TYSND1: variants seen among roughly 807,000 people sequenced by gnomAD.
The protein encoded by TYSND1 is trypsin like peroxisomal matrix peptidase 1, also known as peroxisomal leader peptide-processing protease.
TYSND1 carries 30 observed loss-of-function variants against 37.2 expected under a neutral mutation model. The observed-to-expected ratio is 0.81, with a 90% CI of 0.60 to 1.09. TYSND1 has a LOEUF of 1.09. Among genes scored for constraint, TYSND1 ranks in the 50% least tolerant of loss-of-function variants. The probability of loss-of-function intolerance (pLI) is 0.00; values close to 1 mark genes in which losing one functional copy is unlikely to be tolerated. For synonymous variants in TYSND1, 364 were observed against 383.8 expected, an observed-to-expected ratio of 0.95 and a Z score of 0.60; for missense variants, 806 against 817.4, an observed-to-expected ratio of 0.99 and a Z score of 0.17.
intron 2 of TYSND1, 78 bp downstream of exon 2, chr10:70,143,764 C>T: frequency 6.4e-7 from 1 of 1,561,480 alleles, no homozygotes; most frequent in Non-Finnish European, 8.7e-7. Context: ...CATGAGAATG[C>T]CCAACACTGA....
At chr10:70,144,147 T>C (rs561133910) in intron 1 of TYSND1, 175 bp from the exon 2 acceptor site, 48 of 756,112 alleles carry the variant, frequency 6.3e-5, no homozygotes, top group East Asian at 1.4e-4. Flanking sequence ...CCAAAGGTGG[T>C]TGACAAACTG....
Position 70,146,218 on chromosome 10 carries a change from C to A in TYSND1, c.369G>T (p.Gly123=). The part of the protein sequence containing the change: ...LEPGPPAPSR[G]RPLQPRLPAE... ...CAGGAAGCCGGGGCTGCAGGGGACG[C>A]CCGCGGGACGGGGCAGGTGGGCCGG... Residue 123 remains glycine (G), a synonymous_variant, in exon 1 of 4, where the codon GGG becomes GGT. Coordinates refer to ENST00000287078, the MANE Select transcript of TYSND1 (RefSeq NM_173555.4). 1 of 1,512,862 alleles carries A rather than the reference C, an allele frequency of 6.6e-7. No homozygotes were observed. The highest frequency in any genetic ancestry group is 8.8e-7 in the Non-Finnish European group (1 of 1,135,816). The allele number at this position is 1,512,862 out of a possible 1,614,324, so 93.7% of individuals were successfully genotyped here.
In TYSND1 at chr10:70,146,148, A is replaced by G. The variant is rs543991661; in HGVS notation, c.439T>C (p.Phe147Leu). ...LLSCPAFWAH[F>L]ARLFGDEAAE... is the part of the protein sequence containing the mutation. ...GCCTCGTCCCCGAAGAGGCGCGCGA[A>G]GTGGGCCCAGAAGGCCGGGCAGCTC... is the stretch of plus-strand genomic sequence containing the variant. Residue 147 changes from phenylalanine (F) to leucine (L), a missense_variant, in exon 1 of 4, where the codon TTC (phenylalanine) becomes CTC (leucine). By Grantham distance (22) the Phe-to-Leu change is conservative. Around this residue, in one of 3 missense-constraint regions of TYSND1, gnomAD observed 708 missense variants for 705.4 expected, o/e 1.00. Coordinates refer to ENST00000287078, the MANE Select transcript of TYSND1 (RefSeq NM_173555.4). The G allele has an allele frequency of 8.4e-6, 13 of 1,553,590 alleles. No individual in the cohort carries two copies. Among genetic ancestry groups the G allele is most frequent in the South Asian group, 1.2e-5 (1 of 84,662 alleles).
chr10:70,144,896 C>T lies in TYSND1; in HGVS notation c.1166+525G>A, dbSNP rs887294401. 2.3e-5 allele frequency: 12 copies of T among 518,428 alleles called. No individual in the cohort carries two copies. In the African/African-American group the frequency reaches 2.5e-4, roughly 11 times the overall value. 32.1% of individuals were successfully genotyped at this position (518,428 alleles called of 1,614,324 possible). The stretch of plus-strand genomic sequence containing the variant: ...CCATGTACAGCTGCGTGGGCCACCC[C>T]CCTACCTTCTGATTACGTAGAAACT... On this transcript the variant is annotated intron_variant, in intron 1 of 3. Coordinates refer to ENST00000287078, the MANE Select transcript of TYSND1 (RefSeq NM_173555.4).
intron 1 of TYSND1, chr10:70,144,580 T>C: frequency 5.1e-6 from 5 of 986,768 alleles, no homozygotes; most frequent in Non-Finnish European, 6.0e-6. Context: ...TTAAGTGACT[T>C]GCCCGGGATC....
In TYSND1 at chr10:70,143,934, T is replaced by C. The variant is rs746084754; in HGVS notation, c.1205A>G (p.Gln402Arg). 3 of 1,614,212 alleles carry C rather than the reference T, an allele frequency of 1.9e-6. No homozygotes were observed. The highest frequency in any genetic ancestry group is 2.2e-5 in the East Asian group (1 of 44,880). ...TGCTATGTCATAGGGACATGTCTCC[T>C]GAGTGGCAAATACCACACGGCCCCA... ...AIWGRVVFAT[Q>R]ETCPYDIAVV... Residue 402 changes from glutamine (Q) to arginine (R), a missense_variant, in exon 2 of 4, where the codon CAG becomes CGG. By Grantham distance (43) the Gln-to-Arg change is conservative. Around this residue, in one of 3 missense-constraint regions of TYSND1, gnomAD observed 708 missense variants for 705.4 expected, o/e 1.00. Transcript: ENST00000287078.
At chr10:70,142,612 G>C in intron 3 of TYSND1, 56 bp downstream of exon 3, 8 of 1,472,696 alleles carry the variant, frequency 5.4e-6, no homozygotes, top group Non-Finnish European at 7.3e-6. Flanking sequence ...CACTCATGGG[G>C]TGGGACTGAG....
chr10:70,140,204 A>T, intron 3 of TYSND1, 63 bp from the exon 4 acceptor site: 1 of 1,396,934 alleles, frequency 7.2e-7, no homozygotes, highest in Non-Finnish European at 9.9e-7. Context: ...TGGAGAAGGG[A>T]GGAGGACCAT....
At chr10:70,140,872 C>T (rs1385773098) in intron 3 of TYSND1, among the ~76,000 whole-genome samples, 1 of 152,186 alleles carries the variant, frequency 6.6e-6, no homozygotes, top group Non-Finnish European at 1.5e-5. Flanking sequence ...GTTGTCGCAT[C>T]TCCCAAATCT....
chr10:70,143,549 C>T (rs1010013473), intron 2 of TYSND1, among the ~76,000 whole-genome samples: 1 of 152,232 alleles, frequency 6.6e-6, no homozygotes, highest in Non-Finnish European at 1.5e-5. Flanking sequence ...AAATCGTGCC[C>T]CTGGAGCCTT....
rs778466834 is a variant in TYSND1, at chr10:70,146,427, C to T, written c.160G>A (p.Val54Ile). The change falls in exon 1 of 4, where the codon GTC becomes ATC. Residue 54 changes from valine (V) to isoleucine (I), a missense_variant. Coordinates refer to ENST00000287078, the MANE Select transcript of TYSND1 (RefSeq NM_173555.4). ...TCGCTGCCAGCTCGCAGGAAGGGGA[C>T]GAAGATGCCCCCGTGGCAAAGCACC... ...GLVLCHGGIF[V>I]PFLRAGSEVL... is the part of the protein sequence containing the mutation. The T allele has an allele frequency of 6.2e-6, 10 of 1,601,994 alleles. No homozygotes were observed. Among genetic ancestry groups the T allele is most frequent in the Non-Finnish European group, 8.5e-6 (10 of 1,178,152 alleles).
In TYSND1 at chr10:70,140,038, G is replaced by A. The variant is rs61748802; in HGVS notation, c.1587C>T (p.Tyr529=). The change falls in exon 4 of 4, where the codon TAC becomes TAT. Residue 529 remains tyrosine, a synonymous_variant. Transcript: ENST00000287078. The part of the protein sequence containing the change: ...ITVLQPALQQ[Y]SQTQDLGGLR... ...GGCCACCTAGGTCTTGGGTCTGGCT[G>A]TACTGCTGCAGGGCCGGCTGGAGCA... The A allele has an allele frequency of 1.9e-3, 3,055 of 1,614,236 alleles. 6 individuals are homozygous for A. The highest frequency in any genetic ancestry group is 2.3e-3 in the Non-Finnish European group (2,732 of 1,180,022).
chr10:70,143,433 GAA>G (rs1271246304), intron 2 of TYSND1, among the ~76,000 whole-genome samples: 1 of 152,218 alleles, frequency 6.6e-6, no homozygotes, highest in Non-Finnish European at 1.5e-5. Context: ...GGTGGCATAG[GAA>G]AGATGCCCAT....
rs1247722385 is a variant in TYSND1 at position 70,146,232 on chromosome 10, C to T, written c.355G>A (p.Ala119Thr). Residue 119 changes from alanine (A) to threonine (T), a missense_variant, in exon 1 of 4, where the codon GCC (alanine) becomes ACC (threonine). Ala to Thr is a moderately conservative substitution (Grantham distance 58). Around this residue, in one of 3 missense-constraint regions of TYSND1, gnomAD observed 708 missense variants for 705.4 expected, o/e 1.00. Transcript: ENST00000287078. ...TGCAGGGGACGCCCGCGGGACGGGGCAGGTGGGCCGGGCTCGAGGCTCGCG... is the reference window on the plus strand; with the variant it reads ...TGCAGGGGACGCCCGCGGGACGGGGTAGGTGGGCCGGGCTCGAGGCTCGCG... Reference protein sequence around the residue: ...QCASLEPGPPAPSRGRPLQPR... With the variant: ...QCASLEPGPPTPSRGRPLQPR... 5.3e-6 allele frequency: 8 copies of T among 1,496,032 alleles called. No homozygotes were observed. The highest frequency in any genetic ancestry group is 6.2e-6 in the Non-Finnish European group (7 of 1,129,286). The allele number at this position is 1,496,032 out of a possible 1,614,324, so 92.7% of individuals were successfully genotyped here. A position where few individuals can be genotyped will look rare whatever the true frequency, so the allele number is the denominator to read the frequency against.
chr10:70,142,298 C>T (rs567797418), intron 3 of TYSND1, among the ~76,000 whole-genome samples: 37 of 152,292 alleles, frequency 2.4e-4, no homozygotes, highest in East Asian at 1.9e-3. Flanking sequence ...GCAGCTGAGT[C>T]GAGTGCGCTT....
rs2072733593 is a variant in TYSND1 at position 70,139,885 on chromosome 10, A to G, written c.*39T>C. On this transcript the variant is annotated 3_prime_UTR_variant, in exon 4 of 4. Coordinates refer to ENST00000287078, the MANE Select transcript of TYSND1 (RefSeq NM_173555.4). Reference sequence around the variant, plus strand: ...ACCTCAACATCACTTCCTACAGCAGAAAAAGGTCACTCTTCTTTCCAAAGG... The same window carrying G: ...ACCTCAACATCACTTCCTACAGCAGGAAAAGGTCACTCTTCTTTCCAAAGG... 6.3e-7 allele frequency: 1 copy of G among 1,582,696 alleles called. No homozygotes were observed. The highest frequency in any genetic ancestry group is 1.1e-5 in the South Asian group (1 of 89,444).
At position 70,146,670 on chromosome 10, in the gene TYSND1, G is replaced by C; in HGVS notation, c.-84C>G. ...ACCCCTACCCGGTCCGGCTGAAGCT[G>C]CCTAGCGCCACCCACAGCTGGAAGC... On this transcript the variant is annotated 5_prime_UTR_variant, in exon 1 of 4. Transcript: ENST00000287078. 3 of 1,319,842 alleles carry C rather than the reference G, an allele frequency of 2.3e-6. No individual in the cohort carries two copies. Among genetic ancestry groups the C allele is most frequent in the East Asian group, 5.7e-5 (2 of 34,886 alleles). The allele number at this position is 1,319,842 out of a possible 1,614,324, so 81.8% of individuals were successfully genotyped here. A position where few individuals can be genotyped will look rare whatever the true frequency, so the allele number is the denominator to read the frequency against.
chr10:70,145,661 G>A lies in TYSND1; in HGVS notation c.926C>T (p.Ala309Val), dbSNP rs1227464461. Reference sequence around the variant, plus strand: ...GGTGCTGTGCGGCAGGCGGTGAAGCGCGTCGCGGGCGGCGCGGAAAAGGGG... The same window carrying A: ...GGTGCTGTGCGGCAGGCGGTGAAGCACGTCGCGGGCGGCGCGGAAAAGGGG... ...AAPLFRAARD[A>V]LHRLPHSTAA... The change falls in exon 1 of 4, where the codon GCG becomes GTG. Residue 309 changes from alanine to valine, a missense_variant. Coordinates refer to ENST00000287078, the MANE Select transcript of TYSND1 (RefSeq NM_173555.4). The A allele has an allele frequency of 1.4e-6, 2 of 1,389,918 alleles. No individual in the cohort carries two copies. The highest frequency in any genetic ancestry group is 1.8e-6 in the Non-Finnish European group (2 of 1,081,556). The allele number at this position is 1,389,918 out of a possible 1,614,324, so 86.1% of individuals were successfully genotyped here. A position where few individuals can be genotyped will look rare whatever the true frequency, so the allele number is the denominator to read the frequency against.
In TYSND1 at chr10:70,146,010, C is replaced by G. The variant is rs1419510509; in HGVS notation, c.577G>C (p.Gly193Arg). Residue 193 changes from glycine (G) to arginine (R), a missense_variant, in exon 1 of 4, where the codon GGC becomes CGC. Physicochemically the swap from Gly to Arg is moderately radical, Grantham distance 125. Coordinates refer to ENST00000287078, the MANE Select transcript of TYSND1 (RefSeq NM_173555.4). ...GWFALLGVRL[G>R]QEEVEEERGP... ...CGCTCCTCCTCCACCTCCTCCTGGC[C>G]TAGCCGCACGCCCAGCAGCGCAAAC... The G allele has an allele frequency of 6.3e-7, 1 of 1,594,612 alleles. No homozygotes were observed. The highest frequency in any genetic ancestry group is 8.5e-7 in the Non-Finnish European group (1 of 1,171,804).
Sources: gnomAD v4.1 joint callset for allele counts (sites outside exome capture counted in the v4.1 genomes callset) on GRCh38, gnomAD v4.1.1 for gene constraint, gnomAD v4.1.1 regional missense constraint, MANE v1.5 for transcripts, NCBI Gene and HGNC (gene_info 2026-07-23, HGNC 2026-07-21) for gene names.